VPS39: variants seen among roughly 807,000 people sequenced by gnomAD.
The protein encoded by VPS39 is VPS39 subunit of HOPS complex.
Under a neutral mutation model 121.0 loss-of-function variants are expected in VPS39, and 70 were observed. The ratio of observed to expected loss-of-function variants is 0.58; its 90% CI spans 0.48 to 0.71. The LOEUF (loss-of-function observed/expected upper bound fraction) is 0.71. Ranked by LOEUF, VPS39 falls within the 30% of genes least tolerant of loss-of-function variation. The pLI is 0.00. For synonymous variants in VPS39, 378 were observed against 398.1 expected (o/e 0.95, Z 0.60); for missense variants, 818 against 1,051.5 (o/e 0.78, Z 3.07).
chr15:42,206,069 G>A (rs1288626203), intron 1 of VPS39, among the ~76,000 whole-genome samples: 1 of 152,224 alleles, frequency 6.6e-6, no homozygotes, highest in Non-Finnish European at 1.5e-5. Context: ...ACATCCAAAT[G>A]AAGATGCTGA....
chr15:42,166,951 T>C, intron 13 of VPS39, 38 bp from the exon 14 acceptor site: 2 of 1,611,886 alleles, frequency 1.2e-6, no homozygotes, highest in Non-Finnish European at 1.7e-6. Flanking sequence ...AACTGCTTCC[T>C]GGGGAGCCCC....
chr15:42,178,702 T>C (rs1390622500), intron 8 of VPS39, 132 bp from the exon 9 acceptor site: 2 of 1,282,118 alleles, frequency 1.6e-6, no homozygotes, highest in Non-Finnish European at 2.1e-6. Flanking sequence ...CAAGCCAGGA[T>C]CTTACACTGT....
At chr15:42,196,941 T>C (rs2049953174) in intron 2 of VPS39, among the ~76,000 whole-genome samples, 1 of 151,776 alleles carries the variant, frequency 6.6e-6, no homozygotes, top group Admixed American at 6.6e-5. Context: ...CCATCAATGA[T>C]AGACTGGATT....
At chr15:42,165,199 C>A in intron 17 of VPS39, 86 bp from the exon 18 acceptor site, 3 of 1,261,148 alleles carry the variant, frequency 2.4e-6, no homozygotes, top group Admixed American at 3.4e-5. Flanking sequence ...TAAGGCCCAA[C>A]AGGTCCCATC....
At chr15:42,192,236 C>A in intron 2 of VPS39, 1 of 858,914 alleles carries the variant, frequency 1.2e-6, no homozygotes, top group Non-Finnish European at 1.9e-6. Flanking sequence ...ATCATCAGAG[C>A]AGCTATCATG....
chr15:42,201,637 T>G (rs904886000), intron 1 of VPS39, among the ~76,000 whole-genome samples: 1 of 152,216 alleles, frequency 6.6e-6, no homozygotes, highest in Non-Finnish European at 1.5e-5. Flanking sequence ...TCTAACAACT[T>G]CCCAGATGAT....
At chr15:42,167,630 A>C in intron 12 of VPS39, 93 bp from the exon 13 acceptor site, 1 of 1,503,544 alleles carries the variant, frequency 6.7e-7, no homozygotes, top group Non-Finnish European at 9.0e-7. Flanking sequence ...CAATCAGCTC[A>C]TGCCTATTGG....
intron 20 of VPS39, 85 bp from the exon 21 acceptor site, chr15:42,163,480 C>T: frequency 6.3e-7 from 1 of 1,589,482 alleles, no homozygotes; most frequent in East Asian, 2.2e-5. Context: ...GCTCGAGCAG[C>T]CTAACCACAG....
At chr15:42,207,204 T>A (rs971818385) in intron 1 of VPS39, among the ~76,000 whole-genome samples, 1 of 152,182 alleles carries the variant, frequency 6.6e-6, no homozygotes, top group African/African-American at 2.4e-5. Context: ...TGGTTACCTA[T>A]CTAGCTCAGT....
chr15:42,159,713 A>G lies in VPS39; in HGVS notation c.*1041T>C, dbSNP rs1012878149. ...CCCAGCACAACTCTCCAACCACACC[A>G]TTGCTGAACAAAGCTGGGGAGTGAC... On this transcript the variant is annotated 3_prime_UTR_variant, in exon 25 of 25. Coordinates refer to ENST00000318006, the MANE Select transcript of VPS39 (RefSeq NM_015289.5). 5 of 152,334 alleles carry G rather than the reference A, an allele frequency of 3.3e-5. No homozygotes were observed. Among genetic ancestry groups the G allele is most frequent in the Non-Finnish European group, 7.3e-5 (5 of 68,140 alleles). The allele number at this position is 152,334 out of a possible 1,614,324, so 9.4% of individuals were successfully genotyped here. A position where few individuals can be genotyped will look rare whatever the true frequency, so the allele number is the denominator to read the frequency against.
In VPS39 at chr15:42,161,718, T is replaced by G. The variant is rs1334324143; in HGVS notation, c.2516A>C (p.Lys839Thr). The G allele has an allele frequency of 6.2e-7, 1 of 1,614,140 alleles. No individual in the cohort carries two copies. Among genetic ancestry groups the G allele is most frequent in the Non-Finnish European group, 8.5e-7 (1 of 1,180,010 alleles). ...CTTCTTCTTACACACCATGCACACC[T>G]TCTCCTCTGTGATGATGCACTTCAC... ...QQVKCIITEE[K>T]VCMVCKKKIG... The change falls in exon 24 of 25, where the codon AAG becomes ACG. Residue 839 changes from lysine (K) to threonine (T), a missense_variant. Transcript: ENST00000318006.
intron 2 of VPS39, among the ~76,000 whole-genome samples, chr15:42,195,408 C>G (rs2049916531): frequency 6.6e-6 from 1 of 152,190 alleles, no homozygotes; most frequent in Admixed American, 6.5e-5. Flanking sequence ...AACCCCATCA[C>G]TACAAAAGAT....
intron 7 of VPS39, among the ~76,000 whole-genome samples, chr15:42,186,185 A>G (rs2049697016): frequency 6.6e-6 from 1 of 152,030 alleles, no homozygotes; most frequent in Non-Finnish European, 1.5e-5. Context: ...TAATCTCAGC[A>G]CTTTGGGAGG....
chr15:42,161,101 T>G (rs1471756687), intron 24 of VPS39: 1 of 427,912 alleles, frequency 2.3e-6, no homozygotes, highest in Admixed American at 3.6e-5. Context: ...AGATGGGCAG[T>G]GCACCAGCCC....
chr15:42,179,373 T>C (rs1340696765), intron 8 of VPS39, among the ~76,000 whole-genome samples: 5 of 150,186 alleles, frequency 3.3e-5, no homozygotes, highest in Non-Finnish European at 7.4e-5. Context: ...ATCGAGACCA[T>C]CCTGGCTAAC....
chr15:42,181,078 T>C (rs2049571480), intron 8 of VPS39, among the ~76,000 whole-genome samples: 1 of 152,186 alleles, frequency 6.6e-6, no homozygotes, highest in Non-Finnish European at 1.5e-5. Flanking sequence ...CACATGTTCG[T>C]AGCAGCATTA....
chr15:42,161,874 C>T, intron 23 of VPS39, 101 bp from the exon 24 acceptor site: 4 of 1,593,208 alleles, frequency 2.5e-6, no homozygotes, highest in Non-Finnish European at 3.4e-6. Flanking sequence ...GTCACAGATT[C>T]TTCTGCTTAG....
In VPS39 at chr15:42,193,853, A is replaced by T. The variant is rs1229417387; in HGVS notation, c.140-2293T>A. On this transcript the variant is annotated intron_variant, in intron 2 of 24. Transcript: ENST00000318006. Reference sequence around the variant, plus strand: ...AAGTAACAGATTCCCTTTGTTCATAAAAAAAAAAAAAAAAATGCCAAATAT... The same window carrying T: ...AAGTAACAGATTCCCTTTGTTCATATAAAAAAAAAAAAAAATGCCAAATAT... Among the ~76,000 whole-genome samples, 24 of 79,046 alleles carry T rather than the reference A, an allele frequency of 3.0e-4. No homozygotes were observed. In the African/African-American group the frequency reaches 3.2e-3, roughly 10 times the overall value. 51.9% of individuals were successfully genotyped at this position (79,046 alleles called of 152,430 possible). A position where few individuals can be genotyped will look rare whatever the true frequency, so the allele number is the denominator to read the frequency against.
intron 21 of VPS39, 73 bp downstream of exon 21, chr15:42,163,277 T>C: frequency 6.4e-7 from 1 of 1,562,932 alleles, no homozygotes; most frequent in African/African-American, 1.4e-5. Context: ...GCCACTCATA[T>C]TATTGCCACC....
Sources: gnomAD v4.1 joint callset for allele counts (sites outside exome capture counted in the v4.1 genomes callset) on GRCh38, gnomAD v4.1.1 for gene constraint, MANE v1.5 for transcripts, NCBI Gene and HGNC (gene_info 2026-07-23, HGNC 2026-07-21) for gene names.